Variants in CLN8 observed in about 807,000 individuals in gnomAD.
CLN8 encodes CLN8 transmembrane ER and ERGIC protein.
CLN8 carries 14 observed loss-of-function variants against 15.7 expected under a neutral mutation model. The observed-to-expected ratio is 0.89, with a 90% CI of 0.59 to 1.39. CLN8 has a LOEUF of 1.39. Among genes scored for constraint, CLN8 ranks in the 40% most tolerant of loss-of-function variants. CLN8 has a pLI of 0.00. For missense variants in CLN8, 415 were observed against 364.0 expected, an observed-to-expected ratio of 1.14 and a Z score of -1.14; for synonymous variants, 188 against 151.0, an observed-to-expected ratio of 1.25 and a Z score of -1.80.
chr8:1,757,633 G>T (rs1477198555), intron 1 of CLN8, among the ~76,000 whole-genome samples: 1 of 152,082 alleles, frequency 6.6e-6, no homozygotes, highest in African/African-American at 2.4e-5. Context: ...TAGAGACAAG[G>T]TTTCACTAGC....
intron 2 of CLN8, among the ~76,000 whole-genome samples, chr8:1,773,374 T>C (rs964598440): frequency 6.6e-5 from 10 of 151,950 alleles, no homozygotes; most frequent in African/African-American, 2.4e-4. Context: ...GGTGAGTGCG[T>C]GGTTTGGGCG....
intron 1 of CLN8, among the ~76,000 whole-genome samples, chr8:1,768,266 T>G (rs13266594): frequency 0.08 from 12,243 of 152,186 alleles, 742 homozygotes; most frequent in Non-Finnish European, 0.13. Flanking sequence ...TCTTAGCTCC[T>G]AAATAGTGAA....
At chr8:1,767,675 G>T (rs969684475) in intron 1 of CLN8, among the ~76,000 whole-genome samples, 9 of 144,674 alleles carry the variant, frequency 6.2e-5, no homozygotes, top group African/African-American at 2.1e-4. Context: ...GGGTTCAAGC[G>T]ATTCTCCTGC....
At chr8:1,753,999 G>C (rs973377376), upstream of CLN8, among the ~76,000 whole-genome samples, 1 of 152,186 alleles carries the variant, frequency 6.6e-6, no homozygotes, top group Non-Finnish European at 1.5e-5. Flanking sequence ...AAAAGGATAA[G>C]CTGTGAGTCT....
At position 1,783,085 on chromosome 8, in the gene CLN8, G is replaced by C. The variant is rs923041098; in HGVS notation, c.*2518G>C. On this transcript the variant is annotated 3_prime_UTR_variant, in exon 3 of 3. Transcript: ENST00000331222. The stretch of plus-strand genomic sequence containing the variant: ...ATGCGTACACCTTCCAGATGGCACA[G>C]CACTTTCCCATGGTCCTCACTGGCC... 9 of 152,400 alleles carry C rather than the reference G, an allele frequency of 5.9e-5. No individual in the cohort carries two copies. Among genetic ancestry groups the C allele is most frequent in the African/African-American group, 2.2e-4 (9 of 41,474 alleles). The allele number at this position is 152,400 out of a possible 1,614,324, so 9.4% of individuals were successfully genotyped here.
chr8:1,763,304 G>A (rs1303016017), upstream of CLN8: 1 of 141,184 alleles, frequency 7.1e-6, no homozygotes, highest in African/African-American at 2.7e-5. Flanking sequence ...CCGCCCCCAT[G>A]CCGCCGCCCG....
At chr8:1,769,757 C>T (rs1801224515) in intron 1 of CLN8, among the ~76,000 whole-genome samples, 1 of 152,164 alleles carries the variant, frequency 6.6e-6, no homozygotes, top group African/African-American at 2.4e-5. Flanking sequence ...TAAAGTGGAC[C>T]CTTTCAGCAT....
intron 1 of CLN8, among the ~76,000 whole-genome samples, chr8:1,766,908 C>T (rs1192605196): frequency 6.6e-6 from 1 of 152,232 alleles, no homozygotes; most frequent in Non-Finnish European, 1.5e-5. Context: ...CATACCCCTT[C>T]TGTGCTGCCT....
Position 1,780,512 on chromosome 8 carries a change from A to G in CLN8, c.806A>G (p.Glu269Gly), listed in dbSNP as rs139003032. The G allele has an allele frequency of 3.7e-6, 6 of 1,614,126 alleles. No homozygotes were observed. The African/African-American group carries it at 5.3e-5, about 14-fold the overall frequency. Residue 269 changes from glutamate to glycine, a missense_variant, in exon 3 of 3, where the codon GAA becomes GGA. Glu to Gly is a moderately conservative substitution (Grantham distance 98). Coordinates refer to ENST00000331222, the MANE Select transcript of CLN8 (RefSeq NM_018941.4). The part of the protein sequence containing the change: ...NPVDWNFAQP[E>G]AKSRPEGNGQ... ...GTGGACTGGAACTTCGCACAGCCAG[A>G]AGCCAAGAGCAGGCCAGAAGGCAAC...
At chr8:1,762,280 G>C (rs915148219), upstream of CLN8, 4 of 152,196 alleles carry the variant, frequency 2.6e-5, no homozygotes, top group African/African-American at 7.2e-5. Flanking sequence ...TCTGCCTCCT[G>C]GGTTCAAGCA....
In CLN8 at chr8:1,785,258, C is replaced by T. The variant is rs1801803399; in HGVS notation, c.*4691C>T. 1 of 184,310 alleles carries T rather than the reference C, an allele frequency of 5.4e-6. No homozygotes were observed. Among genetic ancestry groups the T allele is most frequent in the South Asian group, 8.0e-5 (1 of 12,536 alleles). 11.4% of individuals were successfully genotyped at this position (184,310 alleles called of 1,614,324 possible). ...TCCTTTGTGCTCTGTCCTACGGTGACACAGGCGGCGTGGGGTTAGACAGGT... is the reference window on the plus strand; with the variant it reads ...TCCTTTGTGCTCTGTCCTACGGTGATACAGGCGGCGTGGGGTTAGACAGGT... On this transcript the variant is annotated 3_prime_UTR_variant, in exon 3 of 3. Transcript: ENST00000331222.
intron 1 of CLN8, among the ~76,000 whole-genome samples, chr8:1,767,343 T>C (rs1435325858): frequency 1.3e-5 from 2 of 152,204 alleles, no homozygotes; most frequent in Non-Finnish European, 2.9e-5. Context: ...GTTCTCTGAC[T>C]GCCAGGAGGG....
chr8:1,768,435 CT>C (rs1801153750), intron 1 of CLN8, among the ~76,000 whole-genome samples: 2 of 152,184 alleles, frequency 1.3e-5, no homozygotes, highest in South Asian at 4.1e-4. Context: ...TGGGCAGAGC[CT>C]TCTGGAGTCG....
chr8:1,766,542 A>G (rs1471939838), intron 1 of CLN8, among the ~76,000 whole-genome samples: 2 of 151,870 alleles, frequency 1.3e-5, no homozygotes, highest in East Asian at 1.9e-4. Context: ...GGCGCTCGCC[A>G]TCACGCCTGG....
intron 2 of CLN8, chr8:1,772,916 G>C (rs900207669): frequency 2.5e-6 from 1 of 398,444 alleles, no homozygotes; most frequent in Non-Finnish European, 4.4e-6. Context: ...CACATTTCTT[G>C]TCTACAGGAG....
At position 1,781,773 on chromosome 8, in the gene CLN8, GTGGACC is replaced by G. The variant is rs1801717951; in HGVS notation, c.*1213_*1218del. The G allele has an allele frequency of 6.6e-6, 1 of 152,150 alleles. No individual in the cohort carries two copies. Among genetic ancestry groups the G allele is most frequent in the East Asian group, 1.9e-4 (1 of 5,192 alleles). The allele number at this position is 152,150 out of a possible 1,614,324, so 9.4% of individuals were successfully genotyped here. A position where few individuals can be genotyped will look rare whatever the true frequency, so the allele number is the denominator to read the frequency against. ...TGTCATTTTCTCCCTGAGCTGTAGG[GTGGACC>G]TGGACCCCTCAGAGATGCTCGACTG... On this transcript the variant is annotated 3_prime_UTR_variant, in exon 3 of 3. Coordinates refer to ENST00000331222, the MANE Select transcript of CLN8 (RefSeq NM_018941.4).
intron 2 of CLN8, among the ~76,000 whole-genome samples, chr8:1,773,186 A>G (rs113067642): frequency 0.07 from 10,677 of 152,178 alleles, 472 homozygotes; most frequent in Non-Finnish European, 0.1. Context: ...CAGTGACAGG[A>G]AAGTGCAGAG....
rs1177176282 is a variant in CLN8, at chr8:1,771,435, C to T, written c.381C>T (p.Ile127=). 1 of 1,614,214 alleles carries T rather than the reference C, an allele frequency of 6.2e-7. No individual in the cohort carries two copies. Among genetic ancestry groups the T allele is most frequent in the Non-Finnish European group, 8.5e-7 (1 of 1,180,050 alleles). ...ENVAVHLSNL[I]FRTFDLFLVI... ...TTGCAGTCCACCTGTCCAACTTGAT[C>T]TTCCGGACATTTGACTTGTTTCTGG... Residue 127 remains isoleucine, a synonymous_variant, in exon 2 of 3, where the codon ATC becomes ATT. Coordinates refer to ENST00000331222, the MANE Select transcript of CLN8 (RefSeq NM_018941.4).
chr8:1,757,846 C>G (rs188271617), intron 1 of CLN8, among the ~76,000 whole-genome samples: 6 of 152,070 alleles, frequency 3.9e-5, no homozygotes, highest in Admixed American at 3.9e-4. Flanking sequence ...GCTATTATCT[C>G]GGGGTTATCA....
Sources: allele counts gnomAD v4.1 joint callset (sites outside exome capture counted in the v4.1 genomes callset), GRCh38; gene constraint gnomAD v4.1.1; transcripts MANE v1.5; gene names NCBI Gene and HGNC (gene_info 2026-07-23, HGNC 2026-07-21).